Variants in SLC24A3 observed in about 807,000 individuals in gnomAD.
SLC24A3 encodes the protein solute carrier family 24 member 3, also known as sodium/potassium/calcium exchanger 3.
SLC24A3 carries 28 observed loss-of-function variants against 75.8 expected under a neutral mutation model. That is an observed-to-expected ratio of 0.37 (90% CI 0.27 to 0.51). The LOEUF is 0.51. Ranked by LOEUF, SLC24A3 falls within the 20% of genes least tolerant of loss-of-function variation. SLC24A3 has a pLI of 0.94. For missense variants in SLC24A3, 663 were observed against 847.8 expected (o/e 0.78, Z 2.71); for synonymous variants, 372 against 334.1 (o/e 1.11, Z -1.24).
intron 3 of SLC24A3, among the ~76,000 whole-genome samples, chr20:19,532,023 G>T (rs1011432993): frequency 1.3e-5 from 2 of 152,232 alleles, no homozygotes; most frequent in African/African-American, 2.4e-5. Context: ...GGAACTGGGG[G>T]TTGACTCCAG....
chr20:19,483,901 G>T (rs1296699699), intron 2 of SLC24A3, among the ~76,000 whole-genome samples: 1 of 152,130 alleles, frequency 6.6e-6, no homozygotes, highest in Non-Finnish European at 1.5e-5. Context: ...AGGAACTGAG[G>T]TCTGGCTGGT....
intron 2 of SLC24A3, among the ~76,000 whole-genome samples, chr20:19,291,741 C>A (rs1462074249): frequency 9.2e-5 from 14 of 152,218 alleles, no homozygotes; most frequent in Admixed American, 9.2e-4. Context: ...AGGAGCTCAG[C>A]CTGGCTCCCC....
intron 6 of SLC24A3, among the ~76,000 whole-genome samples, chr20:19,586,781 A>T (rs2031302997): frequency 6.6e-6 from 1 of 152,224 alleles, no homozygotes; most frequent in Non-Finnish European, 1.5e-5. Context: ...CAGGGCCCAC[A>T]GGTGGATGGG....
At chr20:19,335,585 C>G (rs1313162926) in intron 2 of SLC24A3, among the ~76,000 whole-genome samples, 1 of 152,196 alleles carries the variant, frequency 6.6e-6, no homozygotes, top group Non-Finnish European at 1.5e-5. Context: ...TGGAATTATG[C>G]CTCCAGCTCA....
chr20:19,469,506 A>G (rs1987829296), intron 2 of SLC24A3, among the ~76,000 whole-genome samples: 1 of 152,060 alleles, frequency 6.6e-6, no homozygotes, highest in South Asian at 2.1e-4. Flanking sequence ...AGCAGGGAGC[A>G]CTCCACGTAG....
intron 2 of SLC24A3, among the ~76,000 whole-genome samples, chr20:19,294,055 A>G (rs1024534058): frequency 2.0e-5 from 3 of 152,092 alleles, no homozygotes; most frequent in East Asian, 1.9e-4. Flanking sequence ...AATACCTAAT[A>G]CCTAATACAA....
At chr20:19,464,829 G>A (rs143546292) in intron 2 of SLC24A3, among the ~76,000 whole-genome samples, 18 of 152,300 alleles carry the variant, frequency 1.2e-4, no homozygotes, top group Non-Finnish European at 2.1e-4. Context: ...CCCAGAGTAC[G>A]ATCATGGGTA....
At chr20:19,463,501 T>A (rs145372532) in intron 2 of SLC24A3, among the ~76,000 whole-genome samples, 12 of 152,340 alleles carry the variant, frequency 7.9e-5, no homozygotes, top group African/African-American at 2.6e-4. Context: ...GTCTTTTCCA[T>A]GACTTGTTTC....
At chr20:19,677,011 C>T (rs913274870) in intron 9 of SLC24A3, among the ~76,000 whole-genome samples, 7 of 152,124 alleles carry the variant, frequency 4.6e-5, no homozygotes, top group African/African-American at 1.7e-4. Flanking sequence ...TCCATGAGAA[C>T]GGAATGTGAC....
intron 2 of SLC24A3, among the ~76,000 whole-genome samples, chr20:19,287,379 C>G (rs1437343547): frequency 2.6e-5 from 4 of 152,224 alleles, no homozygotes; most frequent in Admixed American, 6.5e-5. Flanking sequence ...CCTCTAACCT[C>G]AAGGGAGGCT....
intron 2 of SLC24A3, among the ~76,000 whole-genome samples, chr20:19,409,010 GAGA>G: frequency 6.6e-6 from 1 of 152,150 alleles, no homozygotes. Flanking sequence ...TGGCTAAAGG[GAGA>G]AGACGATCCA....
At chr20:19,334,244 C>T (rs949497033) in intron 2 of SLC24A3, among the ~76,000 whole-genome samples, 2 of 152,052 alleles carry the variant, frequency 1.3e-5, no homozygotes, top group Non-Finnish European at 2.9e-5. Flanking sequence ...GGATGTATTC[C>T]CTTCAGTATT....
At chr20:19,341,444 T>G (rs2122308237) in intron 2 of SLC24A3, among the ~76,000 whole-genome samples, 1 of 152,272 alleles carries the variant, frequency 6.6e-6, no homozygotes, top group African/African-American at 2.4e-5. Context: ...ACTGTGCCTG[T>G]GGGGTGTGTT....
chr20:19,343,750 G>A (rs1162748297), intron 2 of SLC24A3, among the ~76,000 whole-genome samples: 1 of 152,140 alleles, frequency 6.6e-6, no homozygotes, highest in Non-Finnish European at 1.5e-5. Context: ...AGAGGGACTG[G>A]AAAGTGTTAG....
intron 9 of SLC24A3, among the ~76,000 whole-genome samples, chr20:19,678,875 C>T (rs568823987): frequency 6.6e-6 from 1 of 151,624 alleles, no homozygotes; most frequent in Admixed American, 6.6e-5. Flanking sequence ...GGGTCGCGGC[C>T]GGGCAGAGGC....
At chr20:19,688,029 C>T (rs964911932) in intron 12 of SLC24A3, among the ~76,000 whole-genome samples, 2 of 152,180 alleles carry the variant, frequency 1.3e-5, no homozygotes, top group African/African-American at 4.8e-5. Context: ...AGAGACGATA[C>T]TCTGTGTGGT....
chr20:19,514,712 G>A (rs2122557463), intron 2 of SLC24A3, among the ~76,000 whole-genome samples: 1 of 152,332 alleles, frequency 6.6e-6, no homozygotes, highest in Middle Eastern at 3.4e-3. Flanking sequence ...CTGGTTAGTG[G>A]TGGAGGACCT....
At chr20:19,686,240 T>C (rs2032674228) in intron 12 of SLC24A3, among the ~76,000 whole-genome samples, 1 of 152,184 alleles carries the variant, frequency 6.6e-6, no homozygotes, top group South Asian at 2.1e-4. Context: ...CCATTGCACC[T>C]AGCCGGGAGA....
intron 2 of SLC24A3, among the ~76,000 whole-genome samples, chr20:19,382,322 C>T (rs1381308314): frequency 6.6e-6 from 1 of 151,764 alleles, no homozygotes; most frequent in Admixed American, 6.6e-5. Context: ...TTTAGAGACT[C>T]GATTACTGTT....
Sources: gnomAD v4.1 joint callset for allele counts (sites outside exome capture counted in the v4.1 genomes callset) on GRCh38, gnomAD v4.1.1 for gene constraint, MANE v1.5 for transcripts, NCBI Gene and HGNC (gene_info 2026-07-23, HGNC 2026-07-21) for gene names.